Variants in TMCO4 observed in about 807,000 individuals in gnomAD.
TMCO4 encodes transmembrane and coiled-coil domain-containing protein 4.
TMCO4 carries 58 observed loss-of-function variants against 64.7 expected under a neutral mutation model. That is an observed-to-expected ratio of 0.90 (90% CI 0.73 to 1.12). The LOEUF is 1.12. TMCO4 is among the 50% of genes most tolerant of loss of function. The pLI, the probability that TMCO4 is intolerant of heterozygous loss-of-function variation, is 0.00. For synonymous variants in TMCO4, 325 were observed against 346.1 expected (o/e 0.94, Z 0.68); for missense variants, 780 against 825.9 (o/e 0.94, Z 0.68).
chr1:19,763,665 C>T (rs985768199), intron 6 of TMCO4, among the ~76,000 whole-genome samples: 1 of 152,176 alleles, frequency 6.6e-6, no homozygotes, highest in African/African-American at 2.4e-5. Context: ...CATATAACTG[C>T]TAACCTCACC....
At chr1:19,789,929 T>C (rs947133270) in intron 2 of TMCO4, among the ~76,000 whole-genome samples, 2 of 151,552 alleles carry the variant, frequency 1.3e-5, no homozygotes, top group Admixed American at 6.6e-5. Flanking sequence ...GGTGAGTACC[T>C]GCAGTCCCAG....
intron 11 of TMCO4, 109 bp downstream of exon 11, chr1:19,740,668 C>T (rs2095475037): frequency 3.9e-6 from 5 of 1,290,500 alleles, no homozygotes; most frequent in Middle Eastern, 1.9e-4. Flanking sequence ...TCCTAGGGTC[C>T]AGCACGGTGC....
At chr1:19,720,851 C>G (rs2095379249) in intron 13 of TMCO4, among the ~76,000 whole-genome samples, 1 of 151,986 alleles carries the variant, frequency 6.6e-6, no homozygotes, top group Non-Finnish European at 1.5e-5. Context: ...ACATTTTTAT[C>G]TTCTGCTCTG....
At chr1:19,724,323 A>C (rs2095399331) in intron 13 of TMCO4, among the ~76,000 whole-genome samples, 1 of 152,180 alleles carries the variant, frequency 6.6e-6, no homozygotes, top group Admixed American at 6.5e-5. Flanking sequence ...ACCATATAAA[A>C]AGGCCAGCTT....
At chr1:19,753,996 T>C (rs997377240) in intron 7 of TMCO4, among the ~76,000 whole-genome samples, 1 of 152,190 alleles carries the variant, frequency 6.6e-6, no homozygotes, top group Non-Finnish European at 1.5e-5. Context: ...CTTGAAACAC[T>C]TCACATATAT....
chr1:19,752,716 A>G (rs1313732228), intron 7 of TMCO4, among the ~76,000 whole-genome samples: 1 of 152,158 alleles, frequency 6.6e-6, no homozygotes, highest in African/African-American at 2.4e-5. Context: ...CTTGAAGGAC[A>G]CAGTGAGAGC....
chr1:19,717,698 T>C (rs1249175009), intron 13 of TMCO4, among the ~76,000 whole-genome samples: 1 of 152,166 alleles, frequency 6.6e-6, no homozygotes, highest in Non-Finnish European at 1.5e-5. Context: ...TCTCGAGGCT[T>C]ACCTGTCCTT....
At chr1:19,739,685 C>G (rs11802745) in intron 12 of TMCO4, 139 bp downstream of exon 12, 124,830 of 1,195,658 alleles carry the variant, frequency 0.1, 8,200 homozygotes, top group South Asian at 0.26. Flanking sequence ...ACTGGAGAGG[C>G]AGCAAGGACT....
chr1:19,760,157 A>T (rs374468290), intron 6 of TMCO4, among the ~76,000 whole-genome samples: 42 of 151,916 alleles, frequency 2.8e-4, no homozygotes, highest in African/African-American at 8.9e-4. Flanking sequence ...CTTAAATGTC[A>T]TATAGTCTTT....
chr1:19,798,008 G>T (rs1360905519), intron 2 of TMCO4, 129 bp downstream of exon 2: 1 of 170,364 alleles, frequency 5.9e-6, no homozygotes, highest in African/African-American at 2.7e-5. Flanking sequence ...GAAAAGAAAA[G>T]AAAAGAAAAG....
chr1:19,716,381 C>CTTTTTTTTTTTTTTTTTTTTTTTTCTTTT (rs1262772167), intron 13 of TMCO4, among the ~76,000 whole-genome samples: 3 of 124,468 alleles, frequency 2.4e-5, no homozygotes, highest in African/African-American at 9.3e-5. Context: ...TTTTTTCTTT[C>CTTTTTTTTTTTTTTTTTTTTTTTTCTTTT]TTTTTTTTTT....
chr1:19,788,166 T>A (rs2043838758), intron 2 of TMCO4, among the ~76,000 whole-genome samples: 1 of 152,208 alleles, frequency 6.6e-6, no homozygotes, highest in Non-Finnish European at 1.5e-5. Context: ...GATGTTGCGT[T>A]CCTCCCCAGC....
chr1:19,797,907 G>T (rs2044396596), intron 2 of TMCO4, among the ~76,000 whole-genome samples: 1 of 138,046 alleles, frequency 7.2e-6, no homozygotes, highest in African/African-American at 2.8e-5. Flanking sequence ...AGAGAGGGAG[G>T]GAGAGAGGGA....
At chr1:19,776,064 C>T (rs2043190295) in intron 4 of TMCO4, among the ~76,000 whole-genome samples, 1 of 152,172 alleles carries the variant, frequency 6.6e-6, no homozygotes, top group Non-Finnish European at 1.5e-5. Context: ...TATACCACCA[C>T]ATCCGGCTAA....
chr1:19,685,533 G>T (rs773671698), intron 15 of TMCO4, among the ~76,000 whole-genome samples: 21 of 152,106 alleles, frequency 1.4e-4, no homozygotes, highest in Non-Finnish European at 7.3e-5. Context: ...AATGGACAAT[G>T]CCTGACACGT....
At chr1:19,748,610 A>T (rs912532524) in intron 7 of TMCO4, among the ~76,000 whole-genome samples, 2 of 152,180 alleles carry the variant, frequency 1.3e-5, no homozygotes, top group Non-Finnish European at 2.9e-5. Context: ...GGATCACCTG[A>T]GGTCAGGAGT....
chr1:19,743,083 G>A lies in TMCO4; in HGVS notation c.878-2142C>T, dbSNP rs1325890956. On this transcript the variant is annotated intron_variant, in intron 10 of 15. Transcript: ENST00000294543. The surrounding 1 kb of genome is among the most constrained non-coding windows in gnomAD (Gnocchi z 4.1). Reference sequence around the variant, plus strand: ...ATAAAAATAAAAAAAATAAAAAGGCGTTGTATAAACTGTAAAGTGCTCTAC... The same window carrying A: ...ATAAAAATAAAAAAAATAAAAAGGCATTGTATAAACTGTAAAGTGCTCTAC... Among the ~76,000 whole-genome samples, 4 of 152,116 alleles carry A rather than the reference G, an allele frequency of 2.6e-5. No homozygotes were observed. Among genetic ancestry groups the A allele is most frequent in the East Asian group, 1.9e-4 (1 of 5,186 alleles).
intron 2 of TMCO4, among the ~76,000 whole-genome samples, chr1:19,794,537 A>C (rs74058658): frequency 0.043 from 6,615 of 152,258 alleles, 489 homozygotes; most frequent in African/African-American, 0.15. Context: ...CTGGTTTTCA[A>C]ACTGCCCCCC....
At chr1:19,740,977 CT>C in intron 10 of TMCO4, 36 bp from the exon 11 acceptor site, 1 of 1,560,410 alleles carries the variant, frequency 6.4e-7, no homozygotes, top group Non-Finnish European at 8.7e-7. Context: ...TCTCTCTTGT[CT>C]ATGGCAGAGG....
Sources: allele counts gnomAD v4.1 joint callset (sites outside exome capture counted in the v4.1 genomes callset), GRCh38; gene constraint gnomAD v4.1.1; non-coding constraint Gnocchi (gnomAD v3.1); transcripts MANE v1.5; gene names NCBI Gene and HGNC (gene_info 2026-07-23, HGNC 2026-07-21).